PLD5: variants seen among roughly 807,000 people sequenced by gnomAD.
PLD5 encodes inactive phospholipase D5.
PLD5 carries 36 observed loss-of-function variants against 61.1 expected under a neutral mutation model. The observed-to-expected ratio is 0.59, with a 90% CI of 0.45 to 0.78. The LOEUF is 0.78. Among genes scored for constraint, PLD5 ranks in the 30% least tolerant of loss-of-function variants. The pLI, the probability that PLD5 is intolerant of heterozygous loss-of-function variation, is 0.00. For missense variants in PLD5, 515 were observed against 644.4 expected (o/e 0.80, Z 2.17); for synonymous variants, 243 against 242.8 (o/e 1.00, Z -0.01).
At chr1:242,512,194 G>T (rs563091040) in intron 1 of PLD5, among the ~76,000 whole-genome samples, 2 of 151,610 alleles carry the variant, frequency 1.3e-5, no homozygotes, top group East Asian at 3.9e-4. Context: ...GGCAGATCAC[G>T]AGGTCAGGAG....
intron 5 of PLD5, among the ~76,000 whole-genome samples, chr1:242,191,255 A>G (rs868483048): frequency 1.3e-5 from 2 of 152,042 alleles, no homozygotes; most frequent in South Asian, 2.1e-4. Flanking sequence ...TAGTTTTGAG[A>G]AAGTTAAGAG....
intron 5 of PLD5, among the ~76,000 whole-genome samples, chr1:242,174,492 G>C (rs316881): frequency 1.3e-5 from 2 of 151,366 alleles, no homozygotes; most frequent in African/African-American, 4.9e-5. Context: ...TCAGTGTGGC[G>C]ATTCCTCAGG....
chr1:242,459,320 C>G (rs577004644), intron 1 of PLD5, among the ~76,000 whole-genome samples: 2 of 152,196 alleles, frequency 1.3e-5, no homozygotes, highest in African/African-American at 4.8e-5. Context: ...TGAGGCCTCT[C>G]AAGCACACTT....
At chr1:242,125,988 T>C (rs1662754477) in intron 5 of PLD5, among the ~76,000 whole-genome samples, 1 of 152,206 alleles carries the variant, frequency 6.6e-6, no homozygotes, top group South Asian at 2.1e-4. Flanking sequence ...CATCCTGATA[T>C]ATCTTTGTGC....
intron 4 of PLD5, among the ~76,000 whole-genome samples, chr1:242,239,322 G>T (rs957040046): frequency 6.6e-6 from 1 of 152,068 alleles, no homozygotes; most frequent in Non-Finnish European, 1.5e-5. Flanking sequence ...TGAATGATTG[G>T]AAGCCTATAA....
chr1:242,167,099 AT>A (rs1388893855), intron 5 of PLD5, among the ~76,000 whole-genome samples: 12 of 146,428 alleles, frequency 8.2e-5, no homozygotes, highest in South Asian at 4.3e-4. Flanking sequence ...AATAATAATA[AT>A]AATAATAATA....
intron 5 of PLD5, among the ~76,000 whole-genome samples, chr1:242,138,553 A>G (rs753560144): frequency 3.9e-5 from 6 of 152,242 alleles, no homozygotes; most frequent in Non-Finnish European, 7.3e-5. Flanking sequence ...CACTGACTAT[A>G]GTAATTGCAA....
chr1:242,110,084 AT>A (rs1661364923), intron 7 of PLD5, among the ~76,000 whole-genome samples: 1 of 136,092 alleles, frequency 7.3e-6, no homozygotes, highest in African/African-American at 2.7e-5. Context: ...ATATATTATT[AT>A]TATTATATTA....
rs112632749 is a variant in PLD5, at chr1:242,197,499, C to T, written c.735+22489G>A. Among the ~76,000 whole-genome samples, 795 of 152,296 alleles carry T rather than the reference C, an allele frequency of 5.2e-3. 10 individuals are homozygous for T. The highest frequency in any genetic ancestry group is 0.016 in the South Asian group (78 of 4,824). On this transcript the variant is annotated intron_variant, in intron 5 of 9. Transcript: ENST00000536534. ...TTTCTCTGAACCACAAACCACTTCA[C>T]CTCTGTGCAAAGGAAAACCTTTCTC...
At chr1:242,416,377 GGATTACCAC>G (rs1664836371) in intron 1 of PLD5, among the ~76,000 whole-genome samples, 1 of 151,898 alleles carries the variant, frequency 6.6e-6, no homozygotes, top group Admixed American at 6.6e-5. Context: ...GAAAAGGAAA[GGATTACCAC>G]TAGTGTAGGA....
chr1:242,125,987 A>G (rs1473856221), intron 5 of PLD5, among the ~76,000 whole-genome samples: 1 of 152,186 alleles, frequency 6.6e-6, no homozygotes, highest in Non-Finnish European at 1.5e-5. Context: ...GCATCCTGAT[A>G]TATCTTTGTG....
intron 2 of PLD5, among the ~76,000 whole-genome samples, chr1:242,297,617 GTTTCT>G (rs1675764057): frequency 3.2e-5 from 4 of 124,598 alleles, no homozygotes; most frequent in African/African-American, 1.3e-4. Flanking sequence ...ATGGATTCAT[GTTTCT>G]TTTTTTTTTT....
chr1:242,459,057 CTCAG>C, intron 1 of PLD5, among the ~76,000 whole-genome samples: 1 of 152,228 alleles, frequency 6.6e-6, no homozygotes, highest in African/African-American at 2.4e-5. Flanking sequence ...ATGTGGAATT[CTCAG>C]TCAAGTATTG....
chr1:242,122,975 G>T (rs1000244747), intron 6 of PLD5, among the ~76,000 whole-genome samples: 1 of 152,224 alleles, frequency 6.6e-6, no homozygotes, highest in Non-Finnish European at 1.5e-5. Context: ...GCATTACTTA[G>T]AGAAGTTGAT....
chr1:242,213,319 C>T (rs908383831), intron 5 of PLD5, among the ~76,000 whole-genome samples: 1 of 152,066 alleles, frequency 6.6e-6, no homozygotes, highest in African/African-American at 2.4e-5. Flanking sequence ...AGCTTTGCTC[C>T]CCAGTAGAAA....
intron 1 of PLD5, among the ~76,000 whole-genome samples, chr1:242,360,561 A>G (rs556649457): frequency 9.2e-5 from 14 of 152,290 alleles, no homozygotes; most frequent in African/African-American, 2.6e-4. Context: ...TGCCATTTAT[A>G]TTTCATTCTT....
chr1:242,397,563 C>T (rs1663665048), intron 1 of PLD5, among the ~76,000 whole-genome samples: 2 of 151,994 alleles, frequency 1.3e-5, no homozygotes, highest in African/African-American at 2.4e-5. Flanking sequence ...TGCAAAACAT[C>T]GAGGATATGT....
chr1:242,275,293 T>A (rs189055528), intron 3 of PLD5, among the ~76,000 whole-genome samples: 71 of 152,136 alleles, frequency 4.7e-4, no homozygotes, highest in African/African-American at 1.6e-3. Flanking sequence ...TAGATATGAA[T>A]CCCCTTTGGG....
chr1:242,239,259 G>A (rs1671836740), intron 4 of PLD5, among the ~76,000 whole-genome samples: 1 of 151,416 alleles, frequency 6.6e-6, no homozygotes, highest in African/African-American at 2.4e-5. Flanking sequence ...TCACATCTTT[G>A]TCCCATAGTC....
Sources: gnomAD v4.1 joint callset for allele counts (sites outside exome capture counted in the v4.1 genomes callset) on GRCh38, gnomAD v4.1.1 for gene constraint, MANE v1.5 for transcripts, NCBI Gene and HGNC (gene_info 2026-07-23, HGNC 2026-07-21) for gene names.